The following SYT2 variants were observed in gnomAD, a reference collection of about 807,000 sequenced individuals.
SYT2 encodes the protein synaptotagmin 2.
A neutral mutation model predicts 39.9 loss-of-function variants in SYT2; 15 were observed. The ratio of observed to expected loss-of-function variants is 0.38; its 90% CI spans 0.25 to 0.58. SYT2 has a LOEUF of 0.58. SYT2 is among the 20% of genes least tolerant of loss of function. The probability of loss-of-function intolerance (pLI) is 0.70; values close to 1 mark genes in which losing one functional copy is unlikely to be tolerated. For synonymous variants in SYT2, 181 were observed against 204.5 expected (o/e 0.89, Z 0.98); for missense variants, 389 against 530.3 (o/e 0.73, Z 2.62).
chr1:202,605,595 A>G lies in SYT2; in HGVS notation c.178T>C (p.Leu60=). The change falls in exon 2 of 9, where the codon TTA becomes CTA. Residue 60 remains leucine, a splice_region_variant and synonymous_variant. Transcript: ENST00000367268. The part of the protein sequence containing the change: ...KLFNEINKIP[L]PPWALIAIAV... ...CCTCTCAGCCACCAGAGACACTCAC[A>G]GGGAATCTTGTTTATCTCATTGAAT... 3 of 1,613,292 alleles carry G rather than the reference A, an allele frequency of 1.9e-6. No individual in the cohort carries two copies. Among genetic ancestry groups the G allele is most frequent in the South Asian group, 2.2e-5 (2 of 91,050 alleles).
At chr1:202,703,265 G>GCCAC in intron 1 of SYT2, among the ~76,000 whole-genome samples, 1 of 144,926 alleles carries the variant, frequency 6.9e-6, no homozygotes, top group African/African-American at 2.5e-5. Flanking sequence ...CCCACCCCCG[G>GCCAC]CCACCGCTCC....
intron 1 of SYT2, among the ~76,000 whole-genome samples, chr1:202,667,858 A>G (rs4950787): frequency 0.56 from 84,564 of 151,662 alleles, 25,104 homozygotes; most frequent in East Asian, 0.79. Flanking sequence ...GATTACAGGC[A>G]CCTGCCACCA....
At chr1:202,613,825 A>C (rs1353974307) in intron 1 of SYT2, among the ~76,000 whole-genome samples, 1 of 152,198 alleles carries the variant, frequency 6.6e-6, no homozygotes, top group Non-Finnish European at 1.5e-5. Flanking sequence ...AAGAGGCTGA[A>C]TGTAGTCCCA....
chr1:202,690,644 T>C (rs549409155), intron 1 of SYT2, among the ~76,000 whole-genome samples: 1 of 152,374 alleles, frequency 6.6e-6, no homozygotes, highest in African/African-American at 2.4e-5. Context: ...ACCAAGTCTC[T>C]GGACGGTTCT....
chr1:202,605,753 C>T lies in SYT2; in HGVS notation c.20G>A (p.Arg7Lys), dbSNP rs746553476. 3.7e-5 allele frequency: 59 copies of T among 1,613,984 alleles called. No homozygotes were observed. The highest frequency in any genetic ancestry group is 4.9e-5 in the Non-Finnish European group (58 of 1,180,004). The change falls in exon 2 of 9, where the codon AGG becomes AAG. Residue 7 changes from arginine to lysine, a missense_variant. Around this residue, in one of 4 missense-constraint regions of SYT2, gnomAD observed 280 missense variants for 335.6 expected, o/e 0.83. Transcript: ENST00000367268. ...AGGAGCCACAATAGGCTCCTGGTTC[C>T]TCTTGAAAATGTTCCTCATGGTGGC... MRNIFK[R>K]NQEPIVAPAT...
chr1:202,625,156 TG>T (rs1691353417), intron 1 of SYT2, among the ~76,000 whole-genome samples: 1 of 5,790 alleles, frequency 1.7e-4, no homozygotes, highest in Admixed American at 2.3e-3. Context: ...GGGTGTGTGG[TG>T]TGTCTGTGTG....
chr1:202,666,498 G>A (rs1231011211), intron 1 of SYT2, among the ~76,000 whole-genome samples: 1 of 152,024 alleles, frequency 6.6e-6, no homozygotes, highest in Non-Finnish European at 1.5e-5. Flanking sequence ...TGAATACTGG[G>A]GATGCTGGGG....
At chr1:202,700,504 A>G (rs979368247) in intron 1 of SYT2, among the ~76,000 whole-genome samples, 1 of 152,258 alleles carries the variant, frequency 6.6e-6, no homozygotes, top group African/African-American at 2.4e-5. Context: ...CATAGTTACC[A>G]TATTCAAAAT....
At chr1:202,600,671 C>T (rs968166238) in intron 6 of SYT2, among the ~76,000 whole-genome samples, 197 bp from the exon 7 acceptor site, 4 of 152,186 alleles carry the variant, frequency 2.6e-5, no homozygotes, top group Non-Finnish European at 5.9e-5. Flanking sequence ...CAACAAAGTC[C>T]CTGAAAGTGA....
At position 202,594,907 on chromosome 1, in the gene SYT2, C is replaced by T. The variant is rs1355191834; in HGVS notation, c.*1850G>A. ...CTTTTTAAAATAAAATAAAAAGACA[C>T]TCTGCAACTTCTTCACACTGGATCC... On this transcript the variant is annotated 3_prime_UTR_variant, in exon 9 of 9. Coordinates refer to ENST00000367268, the MANE Select transcript of SYT2 (RefSeq NM_177402.5). 6.6e-6 allele frequency: 1 copy of T among 152,286 alleles called. No homozygotes were observed. The highest frequency in any genetic ancestry group is 2.4e-5 in the African/African-American group (1 of 41,458). The allele number at this position is 152,286 out of a possible 1,614,324, so 9.4% of individuals were successfully genotyped here. A position where few individuals can be genotyped will look rare whatever the true frequency, so the allele number is the denominator to read the frequency against.
chr1:202,626,423 T>TTTTTTTTTTTA (rs1270020109), intron 1 of SYT2, among the ~76,000 whole-genome samples: 1 of 140,256 alleles, frequency 7.1e-6, no homozygotes, highest in African/African-American at 2.8e-5. Context: ...TTTTTTTTTT[T>TTTTTTTTTTTA]TTTGAGACAG....
intron 1 of SYT2, among the ~76,000 whole-genome samples, chr1:202,704,907 A>G (rs1188692553): frequency 6.6e-6 from 1 of 152,210 alleles, no homozygotes; most frequent in South Asian, 2.1e-4. Flanking sequence ...GCCCTTATGG[A>G]GAGCCCAAGG....
intron 1 of SYT2, among the ~76,000 whole-genome samples, chr1:202,616,412 C>T (rs1298567788): frequency 1.3e-5 from 2 of 152,112 alleles, no homozygotes; most frequent in Non-Finnish European, 2.9e-5. Flanking sequence ...TCCAGTTTAT[C>T]ACATCACCCA....
chr1:202,667,959 C>T (rs758950081), intron 1 of SYT2, among the ~76,000 whole-genome samples: 1 of 152,196 alleles, frequency 6.6e-6, no homozygotes, highest in Non-Finnish European at 1.5e-5. Flanking sequence ...GATCTGCCCA[C>T]CTCGGCCTCC....
At chr1:202,606,407 A>G (rs1326976918) in intron 1 of SYT2, among the ~76,000 whole-genome samples, 2 of 151,818 alleles carry the variant, frequency 1.3e-5, no homozygotes, top group Admixed American at 6.6e-5. Flanking sequence ...TCCTCTTTCA[A>G]CCTCTCTCCT....
At chr1:202,701,775 C>T (rs1178638657) in intron 1 of SYT2, among the ~76,000 whole-genome samples, 48 of 152,198 alleles carry the variant, frequency 3.2e-4, no homozygotes, top group Admixed American at 3.1e-3. Context: ...CTTAGGGACT[C>T]CCAGGGACCC....
At chr1:202,647,854 A>T (rs1403095333) in intron 1 of SYT2, among the ~76,000 whole-genome samples, 1 of 151,622 alleles carries the variant, frequency 6.6e-6, no homozygotes, top group Non-Finnish European at 1.5e-5. Context: ...CAAATCACTG[A>T]GCCATGGGAG....
At chr1:202,696,457 C>T (rs77998211) in intron 1 of SYT2, among the ~76,000 whole-genome samples, 4,840 of 152,288 alleles carry the variant, frequency 0.032, 116 homozygotes, top group Non-Finnish European at 0.046. Context: ...CTTTTTACTT[C>T]ATTCCAATGA....
intron 1 of SYT2, among the ~76,000 whole-genome samples, chr1:202,706,434 G>T (rs141084817): frequency 6.6e-6 from 1 of 152,084 alleles, no homozygotes; most frequent in Admixed American, 6.6e-5. Flanking sequence ...TACTCCTCCC[G>T]CGCCAGGCAC....
Sources: allele counts gnomAD v4.1 joint callset (sites outside exome capture counted in the v4.1 genomes callset), GRCh38; gene constraint gnomAD v4.1.1; regional missense constraint gnomAD v4.1.1; transcripts MANE v1.5; gene names NCBI Gene and HGNC (gene_info 2026-07-23, HGNC 2026-07-21).